CFAP61: variants seen among roughly 807,000 people sequenced by gnomAD.
CFAP61 encodes cilia and flagella associated protein 61, also known as cilia- and flagella-associated protein 61.
Under a neutral mutation model 135.6 loss-of-function variants are expected in CFAP61, and 107 were observed. That is an observed-to-expected ratio of 0.79 (90% confidence interval 0.67 to 0.93). The LOEUF is 0.93. Among genes scored for constraint, CFAP61 ranks in the 40% least tolerant of loss-of-function variants. The pLI is 0.00. For missense variants in CFAP61, 1,507 were observed against 1,556.2 expected, an observed-to-expected ratio of 0.97 and a Z score of 0.53; for synonymous variants, 575 against 578.5, an observed-to-expected ratio of 0.99 and a Z score of 0.09.
intron 13 of CFAP61, chr20:20,171,693 G>A (rs1421571994): frequency 1.8e-6 from 1 of 566,930 alleles, no homozygotes; most frequent in Non-Finnish European, 3.2e-6. Context: ...AGAGGCACAG[G>A]CATTACTGTA....
chr20:20,169,223 C>G (rs1289597488), intron 12 of CFAP61, 98 bp from the exon 13 acceptor site: 4 of 1,166,644 alleles, frequency 3.4e-6, no homozygotes, highest in Non-Finnish European at 4.9e-6. Context: ...TTAATCAACA[C>G]ATTTTGCTTC....
At chr20:20,291,629 C>T (rs1384690512) in intron 24 of CFAP61, among the ~76,000 whole-genome samples, 1 of 152,154 alleles carries the variant, frequency 6.6e-6, no homozygotes, top group African/African-American at 2.4e-5. Context: ...ACTGAAATAT[C>T]CACTTTCATG....
intron 9 of CFAP61, 39 bp from the exon 10 acceptor site, chr20:20,159,331 T>A (rs748831292): frequency 6.3e-7 from 1 of 1,588,266 alleles, no homozygotes; most frequent in South Asian, 1.1e-5. Flanking sequence ...CCACTGTAGG[T>A]GTCGATTAAT....
intron 19 of CFAP61, among the ~76,000 whole-genome samples, chr20:20,249,661 A>G (rs2050737096): frequency 6.6e-6 from 1 of 152,186 alleles, no homozygotes; most frequent in Non-Finnish European, 1.5e-5. Context: ...TGCCATTCCC[A>G]CTGGACAGAG....
At chr20:20,062,142 C>T (rs1231044218) in intron 2 of CFAP61, among the ~76,000 whole-genome samples, 2 of 152,124 alleles carry the variant, frequency 1.3e-5, no homozygotes, top group Non-Finnish European at 2.9e-5. Flanking sequence ...AGCCCAGCCT[C>T]CAGCAAGAAG....
chr20:20,061,185 T>A (rs1377905275), intron 2 of CFAP61, among the ~76,000 whole-genome samples: 1 of 151,978 alleles, frequency 6.6e-6, no homozygotes, highest in Non-Finnish European at 1.5e-5. Context: ...TAACTTCTGA[T>A]CTATAGAGGG....
Position 20,251,609 on chromosome 20 carries a change from A to G in CFAP61, c.2174A>G (p.Asp725Gly). 6.2e-7 allele frequency: 1 copy of G among 1,614,166 alleles called. No individual in the cohort carries two copies. The highest frequency in any genetic ancestry group is 8.5e-7 in the Non-Finnish European group (1 of 1,180,024). Reference sequence around the variant, plus strand: ...TCTCTTTGCAGCCACTGTTTTAATGATAAAGATTATGCACTGATGTCACTG... The same window carrying G: ...TCTCTTTGCAGCCACTGTTTTAATGGTAAAGATTATGCACTGATGTCACTG... ...KFLASDHCFN[D>G]KDYALMSLCS... Residue 725 changes from aspartate (D) to glycine (G), a missense_variant, in exon 20 of 27, where the codon GAT becomes GGT. Coordinates refer to ENST00000245957, the MANE Select transcript of CFAP61 (RefSeq NM_015585.4).
chr20:20,060,874 A>G (rs1429383736), intron 2 of CFAP61, among the ~76,000 whole-genome samples: 1 of 152,136 alleles, frequency 6.6e-6, no homozygotes, highest in East Asian at 1.9e-4. Context: ...GCCTCTGCTG[A>G]GCTCCCCGCT....
At chr20:20,206,624 G>T (rs1000067386) in intron 17 of CFAP61, among the ~76,000 whole-genome samples, 4 of 152,048 alleles carry the variant, frequency 2.6e-5, no homozygotes, top group Non-Finnish European at 5.9e-5. Context: ...CTATCCTATT[G>T]TGTGGATAAT....
At chr20:20,137,288 A>T (rs564300555) in intron 8 of CFAP61, among the ~76,000 whole-genome samples, 2 of 152,118 alleles carry the variant, frequency 1.3e-5, no homozygotes, top group Non-Finnish European at 2.9e-5. Context: ...GGGCTCTGCA[A>T]TCAGCAGGTG....
At chr20:20,052,622 G>A (rs761193049) in intron 1 of CFAP61, 31 bp downstream of exon 1, 4 of 1,613,528 alleles carry the variant, frequency 2.5e-6, no homozygotes, top group African/African-American at 2.7e-5. Flanking sequence ...TAGCAGCGAC[G>A]CAAGGACTGC....
intron 8 of CFAP61, among the ~76,000 whole-genome samples, chr20:20,125,226 C>T (rs899896639): frequency 1.3e-5 from 2 of 151,436 alleles, no homozygotes; most frequent in Non-Finnish European, 1.5e-5. Context: ...TTTAGTTCTG[C>T]TCTGTTCTTG....
chr20:20,351,755 A>G (rs1481919409), intron 26 of CFAP61, among the ~76,000 whole-genome samples: 1 of 152,162 alleles, frequency 6.6e-6, no homozygotes, highest in Non-Finnish European at 1.5e-5. Context: ...ACACAAATAA[A>G]TGGAAAGATA....
intron 17 of CFAP61, among the ~76,000 whole-genome samples, chr20:20,211,384 A>G (rs1218310258): frequency 6.6e-6 from 1 of 152,246 alleles, no homozygotes; most frequent in Non-Finnish European, 1.5e-5. Context: ...CACTTTAAGT[A>G]TCAAAACTTT....
intron 20 of CFAP61, among the ~76,000 whole-genome samples, chr20:20,255,293 C>T (rs2051443460): frequency 6.6e-6 from 1 of 152,166 alleles, no homozygotes; most frequent in Admixed American, 6.5e-5. Context: ...GAGATGCCTT[C>T]CCCAGGCCTG....
chr20:20,095,993 A>G (rs1245290818), intron 7 of CFAP61, among the ~76,000 whole-genome samples: 1 of 152,218 alleles, frequency 6.6e-6, no homozygotes, highest in Non-Finnish European at 1.5e-5. Context: ...CATGATGTAG[A>G]TATTTACAGG....
intron 22 of CFAP61, among the ~76,000 whole-genome samples, chr20:20,278,696 C>T (rs531732321): frequency 3.0e-4 from 45 of 152,050 alleles, no homozygotes; most frequent in South Asian, 1.0e-3. Context: ...AATGGTGGCT[C>T]TCACCCCCAC....
At chr20:20,323,076 C>A (rs956990573) in intron 25 of CFAP61, 2 of 985,308 alleles carry the variant, frequency 2.0e-6, no homozygotes, top group Admixed American at 6.1e-5. Flanking sequence ...CACTGCTGCC[C>A]TGGGGCCTAG....
chr20:20,153,450 A>G (rs6046661), intron 9 of CFAP61, among the ~76,000 whole-genome samples: 137,374 of 152,140 alleles, frequency 0.9, 62,843 homozygotes, highest in Middle Eastern at 0.99. Flanking sequence ...GAAAAGATAA[A>G]CAAAATTGAT....
Sources: gnomAD v4.1 joint callset for allele counts (sites outside exome capture counted in the v4.1 genomes callset) on GRCh38, gnomAD v4.1.1 for gene constraint, MANE v1.5 for transcripts, NCBI Gene and HGNC (gene_info 2026-07-23, HGNC 2026-07-21) for gene names.